Variants in PRRX2 observed in about 807,000 individuals in gnomAD.
The protein encoded by PRRX2 is paired mesoderm homeobox protein 2.
In PRRX2, 11 loss-of-function variants were observed where a neutral mutation model predicts 18.0. That is an observed-to-expected ratio of 0.61 (90% confidence interval 0.39 to 1.01). The LOEUF (loss-of-function observed/expected upper bound fraction) is 1.01. Ranked by LOEUF, PRRX2 falls within the 50% of genes least tolerant of loss-of-function variation. The pLI, the probability that PRRX2 is intolerant of heterozygous loss-of-function variation, is 0.01. For synonymous variants in PRRX2, 177 were observed against 154.8 expected (o/e 1.14, Z -1.06); for missense variants, 387 against 351.0 (o/e 1.10, Z -0.82).
At chr9:129,710,901 T>C (rs1832609971) in intron 1 of PRRX2, among the ~76,000 whole-genome samples, 1 of 152,132 alleles carries the variant, frequency 6.6e-6, no homozygotes. Flanking sequence ...CCCTTCCTTC[T>C]TTTCTGTCTT....
chr9:129,722,619 T>G lies in PRRX2; in HGVS notation c.*267T>G, dbSNP rs73627671. The G allele has an allele frequency of 3.8e-3, 1,376 of 359,644 alleles. 17 individuals are homozygous for G. The highest frequency in any genetic ancestry group is 0.026 in the African/African-American group (1,242 of 47,978). The allele number at this position is 359,644 out of a possible 1,614,324, so 22.3% of individuals were successfully genotyped here. A position where few individuals can be genotyped will look rare whatever the true frequency, so the allele number is the denominator to read the frequency against. ...CAAGGACCTCATTTAGTTTGTGTATTAAAACCAAAAAGCTTTTGTCTTTAA... is the reference window on the plus strand; with the variant it reads ...CAAGGACCTCATTTAGTTTGTGTATGAAAACCAAAAAGCTTTTGTCTTTAA... On this transcript the variant is annotated 3_prime_UTR_variant, in exon 4 of 4. Coordinates refer to ENST00000372469, the MANE Select transcript of PRRX2 (RefSeq NM_016307.4).
intron 1 of PRRX2, among the ~76,000 whole-genome samples, chr9:129,668,863 G>A (rs577995590): frequency 6.6e-6 from 1 of 151,750 alleles, no homozygotes; most frequent in African/African-American, 2.4e-5. Context: ...GAAAAATAAG[G>A]GTTAGCCAGG....
intron 1 of PRRX2, among the ~76,000 whole-genome samples, chr9:129,712,425 A>G (rs1342730811): frequency 6.6e-6 from 1 of 152,076 alleles, no homozygotes; most frequent in Non-Finnish European, 1.5e-5. Flanking sequence ...GACTATTTAG[A>G]CCCTTAAATT....
intron 1 of PRRX2, among the ~76,000 whole-genome samples, chr9:129,679,301 G>C (rs1832199713): frequency 6.6e-6 from 1 of 152,182 alleles, no homozygotes; most frequent in African/African-American, 2.4e-5. Flanking sequence ...AGGGAGTCCG[G>C]GGTGCTGCTG....
intron 1 of PRRX2, among the ~76,000 whole-genome samples, chr9:129,699,724 A>G (rs1197397371): frequency 6.6e-6 from 1 of 152,138 alleles, no homozygotes; most frequent in Non-Finnish European, 1.5e-5. Context: ...GGCTTTCTAC[A>G]TGGTCCAGCC....
Position 129,671,781 on chromosome 9 carries a change from C to T in PRRX2, c.259+5655C>T, listed in dbSNP as rs935850251. Among the ~76,000 whole-genome samples, 3 of 152,190 alleles carry T rather than the reference C, an allele frequency of 2.0e-5. No individual in the cohort carries two copies. Among genetic ancestry groups the T allele is most frequent in the South Asian group, 2.1e-4 (1 of 4,830 alleles). On this transcript the variant is annotated intron_variant, in intron 1 of 3. Transcript: ENST00000372469. This position sits in a 1 kb window ranked among gnomAD's most constrained non-coding sequence, Gnocchi z 4.0. ...GCCCAGACAGGCAAAGCAACCTGCC[C>T]GAGGCCTCACAGCTGGGAAAGGAGA...
chr9:129,679,200 C>T (rs530861029), intron 1 of PRRX2, among the ~76,000 whole-genome samples: 9 of 152,280 alleles, frequency 5.9e-5, no homozygotes, highest in East Asian at 5.8e-4. Flanking sequence ...AAGTGCATGA[C>T]GACCCTGGGG....
At chr9:129,677,270 CGA>C (rs1832171560) in intron 1 of PRRX2, among the ~76,000 whole-genome samples, 1 of 152,194 alleles carries the variant, frequency 6.6e-6, no homozygotes, top group East Asian at 1.9e-4. Context: ...AGCAGCCTCA[CGA>C]GAGAGGTGAA....
At chr9:129,693,291 T>TA (rs908407989) in intron 1 of PRRX2, among the ~76,000 whole-genome samples, 13 of 152,110 alleles carry the variant, frequency 8.5e-5, no homozygotes, top group East Asian at 1.9e-4. Context: ...GATAGTCTTT[T>TA]AAAAAAAATA....
chr9:129,677,645 G>C (rs1272252112), intron 1 of PRRX2, among the ~76,000 whole-genome samples: 3 of 152,214 alleles, frequency 2.0e-5, no homozygotes, highest in African/African-American at 7.2e-5. Context: ...TGATGGGGAG[G>C]GGGGTGACCA....
chr9:129,689,932 T>C (rs908137590), intron 1 of PRRX2, among the ~76,000 whole-genome samples: 14 of 151,620 alleles, frequency 9.2e-5, no homozygotes, highest in Non-Finnish European at 2.1e-4. Flanking sequence ...TTTGTATTTT[T>C]AGTAGAGACG....
rs1832103981 is a variant in PRRX2 at position 129,671,817 on chromosome 9, G to A, written c.259+5691G>A. On this transcript the variant is annotated intron_variant, in intron 1 of 3. Transcript: ENST00000372469. The surrounding 1 kb of genome is among the most constrained non-coding windows in gnomAD (Gnocchi z 4.0). ...AGCTGGGAAAGGAGAGGAGGGATTTGGTTTTGGATCACAAGTCCAGGCCTC... is the reference window on the plus strand; with the variant it reads ...AGCTGGGAAAGGAGAGGAGGGATTTAGTTTTGGATCACAAGTCCAGGCCTC... Among the ~76,000 whole-genome samples, 1 of 152,164 alleles carries A rather than the reference G, an allele frequency of 6.6e-6. No individual in the cohort carries two copies. Among genetic ancestry groups the A allele is most frequent in the Admixed American group, 6.5e-5 (1 of 15,284 alleles).
chr9:129,673,639 C>A lies in PRRX2; in HGVS notation c.259+7513C>A, dbSNP rs553227236. On this transcript the variant is annotated intron_variant, in intron 1 of 3. Coordinates refer to ENST00000372469, the MANE Select transcript of PRRX2 (RefSeq NM_016307.4). ...CCAGACACAAAGACACACACAGACCCATACCCCCCATGCCACACACACACA... is the reference window on the plus strand; with the variant it reads ...CCAGACACAAAGACACACACAGACCAATACCCCCCATGCCACACACACACA... Among the ~76,000 whole-genome samples the A allele has an allele frequency of 2.8e-5, 4 of 144,330 alleles. No homozygotes were observed. The East Asian group carries it at 7.9e-4, about 28-fold the overall frequency. 94.7% of individuals were successfully genotyped at this position (144,330 alleles called of 152,430 possible).
At chr9:129,711,806 C>T (rs1385347569) in intron 1 of PRRX2, among the ~76,000 whole-genome samples, 1 of 152,194 alleles carries the variant, frequency 6.6e-6, no homozygotes. Flanking sequence ...GGACCGGCCA[C>T]CTCCTTAACC....
rs773930013 is a variant in PRRX2, at chr9:129,720,701, G to T, written c.553G>T (p.Glu185Ter). ...LKSYSQEAAI[E>*]QPVAPRPTAL... The stretch of plus-strand genomic sequence containing the variant: ...GTCCTACAGCCAGGAGGCCGCCATC[G>T]AGCAGCCCGTGGCTCCCCGGCCCAC... Residue 185 changes from glutamate (E) to a stop codon, truncating the protein, a stop_gained, in exon 3 of 4, where the codon GAG becomes TAG. Coordinates refer to ENST00000372469, the MANE Select transcript of PRRX2 (RefSeq NM_016307.4). LOFTEE classifies it high-confidence loss of function. The T allele has an allele frequency of 5.0e-6, 8 of 1,613,220 alleles. No homozygotes were observed. Among genetic ancestry groups the T allele is most frequent in the Non-Finnish European group, 6.8e-6 (8 of 1,179,770 alleles).
At chr9:129,720,199 C>T (rs970528426) in intron 2 of PRRX2, among the ~76,000 whole-genome samples, 1 of 150,964 alleles carries the variant, frequency 6.6e-6, no homozygotes, top group Non-Finnish European at 1.5e-5. Context: ...CGCCTCTCCC[C>T]GCGAGTGCTC....
In PRRX2 at chr9:129,709,336, A is replaced by G. The variant is rs1167879163; in HGVS notation, c.260-9895A>G. Among the ~76,000 whole-genome samples the G allele has an allele frequency of 6.6e-6, 1 of 152,216 alleles. No individual in the cohort carries two copies. Among genetic ancestry groups the G allele is most frequent in the Admixed American group, 6.5e-5 (1 of 15,288 alleles). On this transcript the variant is annotated intron_variant, in intron 1 of 3. Coordinates refer to ENST00000372469, the MANE Select transcript of PRRX2 (RefSeq NM_016307.4). This position sits in a 1 kb window ranked among gnomAD's most constrained non-coding sequence, Gnocchi z 4.2. The stretch of plus-strand genomic sequence containing the variant: ...CCCAGAGAGACCCAGATACACCGCA[A>G]CTGCCTCCAAGCAGGGCTCTGCTGA...
chr9:129,721,823 C>T (rs933064686), intron 3 of PRRX2, among the ~76,000 whole-genome samples: 19 of 152,224 alleles, frequency 1.2e-4, no homozygotes, highest in Admixed American at 9.2e-4. Context: ...TCAGGTGATC[C>T]GTCCACTTCG....
chr9:129,680,194 G>A (rs980244748), intron 1 of PRRX2, among the ~76,000 whole-genome samples: 2 of 152,080 alleles, frequency 1.3e-5, no homozygotes, highest in African/African-American at 2.4e-5. Flanking sequence ...CTGAGGTCAA[G>A]AGTTCGAGAC....
Sources: allele counts gnomAD v4.1 joint callset (sites outside exome capture counted in the v4.1 genomes callset), GRCh38; gene constraint gnomAD v4.1.1; non-coding constraint Gnocchi (gnomAD v3.1); transcripts MANE v1.5; gene names NCBI Gene and HGNC (gene_info 2026-07-23, HGNC 2026-07-21).